The following GALNT13 variants were observed in gnomAD, a reference collection of about 807,000 sequenced individuals.
GALNT13 encodes the protein UDP-GalNAc:polypeptide N-acetylgalactosaminyltransferase 13.
Under a neutral mutation model 64.2 loss-of-function variants are expected in GALNT13, and 28 were observed. The observed-to-expected ratio is 0.44, with a 90% CI of 0.32 to 0.60. The LOEUF (loss-of-function observed/expected upper bound fraction) is 0.60, where lower values mean the gene tolerates loss of function less well. Among genes scored for constraint, GALNT13 ranks in the 20% least tolerant of loss-of-function variants. The probability of loss-of-function intolerance (pLI) is 0.05; values close to 1 mark genes in which losing one functional copy is unlikely to be tolerated. For synonymous variants in GALNT13, 214 were observed against 224.6 expected (o/e 0.95, Z 0.42); for missense variants, 577 against 669.8 (o/e 0.86, Z 1.53).
intron 3 of GALNT13, among the ~76,000 whole-genome samples, chr2:154,036,653 A>G (rs1242276082): frequency 2.6e-5 from 4 of 151,996 alleles, no homozygotes; most frequent in Non-Finnish European, 5.9e-5. Flanking sequence ...TAACTAAAAT[A>G]TTTTTTCTTT....
chr2:153,655,579 A>G, the GALNT13 span, among the ~76,000 whole-genome samples: 2 of 152,150 alleles, frequency 1.3e-5, no homozygotes, highest in African/African-American at 4.8e-5. Context: ...CTAACTATCA[A>G]GAAGAATGGT....
At chr2:153,653,217 A>G in the GALNT13 span, among the ~76,000 whole-genome samples, 2 of 152,140 alleles carry the variant, frequency 1.3e-5, no homozygotes, top group African/African-American at 2.4e-5. Context: ...ACACATGTGA[A>G]GAGAAGGAGG....
chr2:154,292,028 A>G (rs746377003), intron 8 of GALNT13, among the ~76,000 whole-genome samples: 2 of 152,196 alleles, frequency 1.3e-5, no homozygotes, highest in Non-Finnish European at 2.9e-5. Context: ...CCCCTCAGGA[A>G]GAAGCTGGTA....
At chr2:153,381,274 C>A in the GALNT13 span, among the ~76,000 whole-genome samples, 11 of 152,014 alleles carry the variant, frequency 7.2e-5, no homozygotes, top group African/African-American at 2.4e-4. Flanking sequence ...AGAAACAACA[C>A]CCAAATTTTG....
At chr2:154,153,205 C>G (rs954266040) in intron 4 of GALNT13, among the ~76,000 whole-genome samples, 1 of 152,194 alleles carries the variant, frequency 6.6e-6, no homozygotes, top group African/African-American at 2.4e-5. Context: ...ACTCCAGACC[C>G]TCTTTGCCTG....
At chr2:153,296,450 A>C in the GALNT13 span, among the ~76,000 whole-genome samples, 41 of 152,306 alleles carry the variant, frequency 2.7e-4, no homozygotes, top group African/African-American at 8.9e-4. Flanking sequence ...AGTGTTTCAA[A>C]TATTCATAAA....
chr2:154,062,848 G>A (rs1172730792), intron 3 of GALNT13, among the ~76,000 whole-genome samples: 1 of 83,584 alleles, frequency 1.2e-5, no homozygotes, highest in Non-Finnish European at 2.6e-5. Flanking sequence ...ATTCAACATG[G>A]AATGTTTTTT....
chr2:153,161,325 CAGAT>C, the GALNT13 span, among the ~76,000 whole-genome samples: 1 of 152,180 alleles, frequency 6.6e-6, no homozygotes, highest in Non-Finnish European at 1.5e-5. Context: ...AACCGCATGT[CAGAT>C]ACTCTTCTAG....
the GALNT13 span, among the ~76,000 whole-genome samples, chr2:153,254,992 G>A: frequency 6.6e-6 from 1 of 151,874 alleles, no homozygotes; most frequent in African/African-American, 2.4e-5. Flanking sequence ...GGTCCACTTG[G>A]TGCAGAGCTG....
the GALNT13 span, among the ~76,000 whole-genome samples, chr2:153,365,487 C>G: frequency 6.6e-5 from 10 of 152,198 alleles, no homozygotes; most frequent in South Asian, 8.3e-4. Context: ...TTTTTGCAAT[C>G]TACCCATCTG....
At chr2:154,356,590 T>C (rs1696762419) in intron 9 of GALNT13, among the ~76,000 whole-genome samples, 2 of 152,008 alleles carry the variant, frequency 1.3e-5, no homozygotes, top group Admixed American at 1.3e-4. Context: ...ACTTCATCAC[T>C]GGCACATCTT....
intron 9 of GALNT13, among the ~76,000 whole-genome samples, chr2:154,357,360 A>G (rs10490527): frequency 0.06 from 9,071 of 152,034 alleles, 343 homozygotes; most frequent in Non-Finnish European, 0.09. Flanking sequence ...TTTAATTTTC[A>G]TATTTCATGT....
the GALNT13 span, among the ~76,000 whole-genome samples, chr2:153,545,637 ACCACTTGGTACTCTGGACC>A: frequency 6.6e-6 from 1 of 152,196 alleles, no homozygotes; most frequent in East Asian, 1.9e-4. Flanking sequence ...CAACTTTCCT[ACCACTTGGTACTCTGGACC>A]CCACTTGGCC....
chr2:153,274,477 G>A, the GALNT13 span, among the ~76,000 whole-genome samples: 2 of 152,186 alleles, frequency 1.3e-5, no homozygotes, highest in African/African-American at 4.8e-5. Flanking sequence ...ATACTTGTAG[G>A]AGATACTGCA....
chr2:153,998,580 C>T (rs1695678920), intron 3 of GALNT13, among the ~76,000 whole-genome samples: 1 of 152,056 alleles, frequency 6.6e-6, no homozygotes, highest in African/African-American at 2.4e-5. Flanking sequence ...AAAATGTTTA[C>T]CCATTCTGTA....
chr2:153,437,588 C>G, the GALNT13 span, among the ~76,000 whole-genome samples: 1 of 152,168 alleles, frequency 6.6e-6, no homozygotes, highest in Non-Finnish European at 1.5e-5. Context: ...TAATGGCCTT[C>G]TTTGTCTCTT....
At chr2:154,338,607 G>T (rs1332140248) in intron 9 of GALNT13, among the ~76,000 whole-genome samples, 1 of 152,086 alleles carries the variant, frequency 6.6e-6, no homozygotes. Context: ...GAGGGAGGTG[G>T]TAAAATGTGG....
intron 9 of GALNT13, among the ~76,000 whole-genome samples, chr2:154,387,351 GT>G (rs773640195): frequency 1.3e-5 from 2 of 152,060 alleles, no homozygotes; most frequent in Non-Finnish European, 2.9e-5. Flanking sequence ...ACAATGTGAT[GT>G]TTTGAGATTA....
At chr2:154,240,972 T>A (rs1689451772) in intron 4 of GALNT13, among the ~76,000 whole-genome samples, 1 of 152,102 alleles carries the variant, frequency 6.6e-6, no homozygotes, top group African/African-American at 2.4e-5. Flanking sequence ...CCAGCCAAAT[T>A]CCGCCTCCTC....
Sources: allele counts gnomAD v4.1 joint callset (sites outside exome capture counted in the v4.1 genomes callset), GRCh38; gene constraint gnomAD v4.1.1; transcripts MANE v1.5; gene names NCBI Gene and HGNC (gene_info 2026-07-23, HGNC 2026-07-21).